Variants in CNTN4 observed in about 807,000 individuals in gnomAD.
The protein encoded by CNTN4 is contactin-4.
A neutral mutation model predicts 122.5 loss-of-function variants in CNTN4; 77 were observed. That is an observed-to-expected ratio of 0.63 (90% CI 0.52 to 0.76). The LOEUF is 0.76. Ranked by LOEUF, CNTN4 falls within the 30% of genes least tolerant of loss-of-function variation. The probability of loss-of-function intolerance (pLI) is 0.00; values close to 1 mark genes in which losing one functional copy is unlikely to be tolerated. For synonymous variants in CNTN4, 512 were observed against 447.0 expected, an observed-to-expected ratio of 1.15 and a Z score of -1.83; for missense variants, 1,256 against 1,259.1, an observed-to-expected ratio of 1.00 and a Z score of 0.04.
chr3:2,887,828 A>G (rs767593884), intron 10 of CNTN4, among the ~76,000 whole-genome samples: 83 of 152,210 alleles, frequency 5.5e-4, no homozygotes, highest in Non-Finnish European at 1.0e-3. Flanking sequence ...CCACTAGCAC[A>G]TGGTCATTAT....
At chr3:2,233,381 C>G (rs74833345) in intron 2 of CNTN4, among the ~76,000 whole-genome samples, 1 of 152,186 alleles carries the variant, frequency 6.6e-6, no homozygotes, top group South Asian at 2.1e-4. Context: ...CTTAAGTGGT[C>G]GATCAAGAAG....
rs116759118 is a variant in CNTN4 at position 2,503,378 on chromosome 3, C to G, written c.-88-68038C>G. 3.9e-3 allele frequency among the ~76,000 whole-genome samples: 598 copies of G among 152,216 alleles called. 6 individuals carry two copies. The highest frequency in any genetic ancestry group is 0.014 in the African/African-American group (578 of 41,532). On this transcript the variant is annotated intron_variant, in intron 3 of 24. Coordinates refer to ENST00000418658, the MANE Select transcript of CNTN4 (RefSeq NM_175607.3). ...ACTGTATCAGTCTTTCAACGTTTGT[C>G]TATGTTCGAAAATTTTATAATAAAT...
chr3:2,728,074 G>T (rs1240466129), intron 4 of CNTN4, among the ~76,000 whole-genome samples: 1 of 152,102 alleles, frequency 6.6e-6, no homozygotes, highest in African/African-American at 2.4e-5. Flanking sequence ...AACATGCCTT[G>T]CTGTCTGTCT....
chr3:2,944,553 A>G (rs2094653633), intron 13 of CNTN4, among the ~76,000 whole-genome samples: 1 of 152,204 alleles, frequency 6.6e-6, no homozygotes, highest in African/African-American at 2.4e-5. Flanking sequence ...CTCCTTGAAT[A>G]CTAGACTCTA....
At chr3:2,544,974 T>G (rs1349959280) in intron 3 of CNTN4, among the ~76,000 whole-genome samples, 2 of 152,118 alleles carry the variant, frequency 1.3e-5, no homozygotes, top group African/African-American at 4.8e-5. Context: ...GGTTGTTAAT[T>G]TGAGATCTTT....
At chr3:3,011,066 G>A (rs1697177603) in intron 14 of CNTN4, among the ~76,000 whole-genome samples, 2 of 152,168 alleles carry the variant, frequency 1.3e-5, no homozygotes, top group South Asian at 4.1e-4. Context: ...TGCACTGTAT[G>A]TGGGCATTTG....
chr3:3,000,863 A>AGAG (rs1695960977), intron 14 of CNTN4, among the ~76,000 whole-genome samples: 1 of 149,432 alleles, frequency 6.7e-6, no homozygotes, highest in Admixed American at 6.6e-5. Flanking sequence ...TTCTTACTGT[A>AGAG]GAGTCTTTCT....
intron 2 of CNTN4, among the ~76,000 whole-genome samples, chr3:2,123,712 A>G (rs907439946): frequency 6.6e-6 from 1 of 151,632 alleles, no homozygotes; most frequent in African/African-American, 2.4e-5. Context: ...ATTCCTTTAG[A>G]AATTTACTTT....
At chr3:2,788,641 C>G (rs183973508) in intron 6 of CNTN4, among the ~76,000 whole-genome samples, 2 of 152,258 alleles carry the variant, frequency 1.3e-5, no homozygotes, top group East Asian at 3.9e-4. Flanking sequence ...CCCATAAAGA[C>G]TCCTATTCTA....
intron 4 of CNTN4, among the ~76,000 whole-genome samples, chr3:2,688,654 G>C (rs1459329406): frequency 6.6e-6 from 1 of 152,238 alleles, no homozygotes; most frequent in Non-Finnish European, 1.5e-5. Flanking sequence ...CATCCAGCAA[G>C]GTTAACTCTT....
chr3:2,316,877 C>T (rs1395958391), intron 2 of CNTN4, among the ~76,000 whole-genome samples: 1 of 152,064 alleles, frequency 6.6e-6, no homozygotes, highest in Non-Finnish European at 1.5e-5. Flanking sequence ...TGATGCAAAC[C>T]TTTTTAATAA....
chr3:2,769,275 A>G (rs1382436553), intron 6 of CNTN4, among the ~76,000 whole-genome samples: 1 of 152,082 alleles, frequency 6.6e-6, no homozygotes, highest in African/African-American at 2.4e-5. Flanking sequence ...CAGCCTGGCC[A>G]ATATGGTGAA....
intron 2 of CNTN4, among the ~76,000 whole-genome samples, chr3:2,241,340 T>A (rs1007486629): frequency 1.3e-5 from 2 of 152,178 alleles, no homozygotes; most frequent in Non-Finnish European, 2.9e-5. Context: ...GTTACAATGC[T>A]GACATCAAGA....
At chr3:2,396,666 T>G (rs1183918091) in intron 3 of CNTN4, among the ~76,000 whole-genome samples, 2 of 151,966 alleles carry the variant, frequency 1.3e-5, no homozygotes, top group African/African-American at 4.8e-5. Flanking sequence ...GTTTTTTTTT[T>G]TTTTATTAAC....
intron 3 of CNTN4, among the ~76,000 whole-genome samples, chr3:2,462,608 G>T (rs750562965): frequency 1.3e-5 from 2 of 152,150 alleles, no homozygotes; most frequent in African/African-American, 2.4e-5. Flanking sequence ...CAGTCATGCA[G>T]CTCAATTACA....
At chr3:2,907,294 C>T (rs532351551) in intron 12 of CNTN4, among the ~76,000 whole-genome samples, 96 of 152,180 alleles carry the variant, frequency 6.3e-4, no homozygotes, top group African/African-American at 2.2e-3. Flanking sequence ...ATCTCTTGGC[C>T]GGGTGTAGTG....
intron 3 of CNTN4, among the ~76,000 whole-genome samples, chr3:2,381,506 C>CTA (rs1204798191): frequency 6.6e-6 from 1 of 152,108 alleles, no homozygotes; most frequent in African/African-American, 2.4e-5. Context: ...ACTCTTTGAA[C>CTA]TATAGTGTTC....
At chr3:2,970,797 AT>A (rs914163101) in intron 13 of CNTN4, among the ~76,000 whole-genome samples, 1 of 150,420 alleles carries the variant, frequency 6.6e-6, no homozygotes, top group East Asian at 2.0e-4. Flanking sequence ...ATTCTTTATT[AT>A]TTTTTTTGAG....
At chr3:2,652,135 T>C (rs994355750) in intron 4 of CNTN4, among the ~76,000 whole-genome samples, 2 of 151,938 alleles carry the variant, frequency 1.3e-5, no homozygotes, top group African/African-American at 4.8e-5. Context: ...GGCAGGAGGA[T>C]TGCTTGAGCT....
Sources: gnomAD v4.1 joint callset for allele counts (sites outside exome capture counted in the v4.1 genomes callset) on GRCh38, gnomAD v4.1.1 for gene constraint, MANE v1.5 for transcripts, NCBI Gene and HGNC (gene_info 2026-07-23, HGNC 2026-07-21) for gene names.